AATF: variants seen among roughly 807,000 people sequenced by gnomAD.
AATF encodes protein AATF.
In AATF, 48 loss-of-function variants were observed where a neutral mutation model predicts 63.7. The observed-to-expected ratio is 0.75, with a 90% CI of 0.60 to 0.96. The LOEUF (loss-of-function observed/expected upper bound fraction) is 0.96. AATF is among the 40% of genes least tolerant of loss of function. AATF has a pLI of 0.00. For missense variants in AATF, 639 were observed against 685.7 expected (o/e 0.93, Z 0.76); for synonymous variants, 258 against 247.7 (o/e 1.04, Z -0.39).
chr17:37,032,103 T>G (rs997573068), intron 11 of AATF, among the ~76,000 whole-genome samples: 1 of 152,182 alleles, frequency 6.6e-6, no homozygotes, highest in Non-Finnish European at 1.5e-5. Context: ...AAAAGATGTA[T>G]ATGCTTATTT....
At chr17:37,044,480 A>G (rs1284262707) in intron 11 of AATF, among the ~76,000 whole-genome samples, 1 of 152,038 alleles carries the variant, frequency 6.6e-6, no homozygotes, top group Non-Finnish European at 1.5e-5. Flanking sequence ...TCTCAAGAAC[A>G]CTCTTACATG....
At chr17:37,014,748 A>T (rs560389283) in intron 8 of AATF, among the ~76,000 whole-genome samples, 21 of 152,260 alleles carry the variant, frequency 1.4e-4, no homozygotes, top group Non-Finnish European at 2.6e-4. Flanking sequence ...AGCCTTTGTT[A>T]GTTAGATGTT....
intron 8 of AATF, among the ~76,000 whole-genome samples, chr17:36,992,518 T>C (rs1318484117): frequency 6.6e-6 from 1 of 152,182 alleles, no homozygotes; most frequent in African/African-American, 2.4e-5. Flanking sequence ...AAGTGTACAT[T>C]GTTCGATGAA....
chr17:36,965,964 A>G (rs1023254971), intron 4 of AATF, among the ~76,000 whole-genome samples: 1 of 152,052 alleles, frequency 6.6e-6, no homozygotes, highest in Admixed American at 6.6e-5. Context: ...AGAGATGTCT[A>G]AGTATGGGTC....
At chr17:37,020,406 T>TAACAATTTA (rs140515927) in intron 9 of AATF, among the ~76,000 whole-genome samples, 1 of 152,022 alleles carries the variant, frequency 6.6e-6, no homozygotes, top group Non-Finnish European at 1.5e-5. Context: ...AAATGAAAAT[T>TAACAATTTA]AACAATTTAA....
At chr17:37,019,958 T>A (rs1229346715) in intron 9 of AATF, among the ~76,000 whole-genome samples, 1 of 152,192 alleles carries the variant, frequency 6.6e-6, no homozygotes, top group Non-Finnish European at 1.5e-5. Flanking sequence ...TAGATTATGG[T>A]AATTAAGATT....
At chr17:36,992,493 A>G (rs916073479) in intron 8 of AATF, among the ~76,000 whole-genome samples, 1 of 152,232 alleles carries the variant, frequency 6.6e-6, no homozygotes, top group Admixed American at 6.5e-5. Context: ...AAAATGTTCC[A>G]GTCCTCATTA....
rs769354888 is a variant in AATF, at chr17:37,003,014, A to G, written c.1398+12157A>G. 2.6e-5 allele frequency among the ~76,000 whole-genome samples: 4 copies of G among 151,900 alleles called. No homozygotes were observed. The East Asian group carries it at 5.8e-4, about 22-fold the overall frequency. On this transcript the variant is annotated intron_variant, in intron 8 of 11. Coordinates refer to ENST00000619387, the MANE Select transcript of AATF (RefSeq NM_012138.4). ...TTATCTTGGAAACAAAACAAAACAA[A>G]GTTGGAGCATTCACACTTTCCAGTT... is the stretch of plus-strand genomic sequence containing the variant.
intron 8 of AATF, among the ~76,000 whole-genome samples, chr17:37,012,128 C>G (rs2071396412): frequency 6.6e-6 from 1 of 151,810 alleles, no homozygotes; most frequent in Non-Finnish European, 1.5e-5. Context: ...TCTTGGCTCA[C>G]TGCAACTTCC....
At chr17:37,031,384 A>G (rs527355541) in intron 10 of AATF, 46 of 555,746 alleles carry the variant, frequency 8.3e-5, no homozygotes, top group African/African-American at 7.1e-4. Flanking sequence ...GCATCCGTGG[A>G]TTTTTGTATC....
intron 8 of AATF, among the ~76,000 whole-genome samples, chr17:37,000,836 G>A (rs1024514047): frequency 6.6e-6 from 1 of 152,150 alleles, no homozygotes; most frequent in African/African-American, 2.4e-5. Flanking sequence ...CAGGTTGCAT[G>A]TAAAGAAAGT....
intron 11 of AATF, chr17:37,055,598 G>A (rs1039520928): frequency 6.6e-6 from 1 of 152,234 alleles, no homozygotes; most frequent in Non-Finnish European, 1.5e-5. Context: ...ATCCGAGCAG[G>A]TGTAGATTTC....
At chr17:36,961,779 A>G (rs895723662) in intron 4 of AATF, among the ~76,000 whole-genome samples, 16 of 152,020 alleles carry the variant, frequency 1.1e-4, no homozygotes, top group African/African-American at 3.6e-4. Context: ...GGTTTAAGCA[A>G]TTCTCCTGCC....
rs879772345 is a variant in AATF at position 36,960,016 on chromosome 17, AT to A, written c.832+6116del. ...ATTATTTTGACTTGACTAGACTAAA[AT>A]TTTTTTCCCCCCCCGAGATGGAGTC... On this transcript the variant is annotated intron_variant, in intron 4 of 11. Transcript: ENST00000619387. 2.1e-3 allele frequency among the ~76,000 whole-genome samples: 311 copies of A among 151,042 alleles called. 2 individuals are homozygous for A. The highest frequency in any genetic ancestry group is 5.5e-3 in the African/African-American group (227 of 41,134).
intron 4 of AATF, among the ~76,000 whole-genome samples, chr17:36,957,210 A>G (rs1329596881): frequency 2.0e-5 from 3 of 152,246 alleles, no homozygotes; most frequent in Non-Finnish European, 2.9e-5. Context: ...TGGATTAGCC[A>G]TGTGACCTTG....
At chr17:37,044,426 T>C (rs549648606) in intron 11 of AATF, among the ~76,000 whole-genome samples, 7 of 152,096 alleles carry the variant, frequency 4.6e-5, no homozygotes, top group Non-Finnish European at 1.0e-4. Context: ...CTTAGAGGGT[T>C]TTTGGGGTCA....
intron 11 of AATF, among the ~76,000 whole-genome samples, chr17:37,041,317 T>G (rs1043668055): frequency 6.6e-6 from 1 of 152,220 alleles, no homozygotes; most frequent in Admixed American, 6.5e-5. Flanking sequence ...TCTTTTCAAG[T>G]AGTGCTGCAG....
intron 8 of AATF, among the ~76,000 whole-genome samples, chr17:37,008,316 G>A (rs2071357459): frequency 6.6e-6 from 1 of 152,156 alleles, no homozygotes; most frequent in South Asian, 2.1e-4. Flanking sequence ...TTTATAAGAT[G>A]AGGAAACTGA....
chr17:36,981,702 C>CTTTTTTTTTTTTTTTT (rs71368433), intron 4 of AATF, among the ~76,000 whole-genome samples: 1 of 110,478 alleles, frequency 9.1e-6, no homozygotes, highest in Non-Finnish European at 1.9e-5. Context: ...TCTTTCTTTT[C>CTTTTTTTTTTTTTTTT]TTTTTTTTTT....
Sources: gnomAD v4.1 joint callset for allele counts (sites outside exome capture counted in the v4.1 genomes callset) on GRCh38, gnomAD v4.1.1 for gene constraint, MANE v1.5 for transcripts, NCBI Gene and HGNC (gene_info 2026-07-23, HGNC 2026-07-21) for gene names.